The following EXOSC4 variants were observed in gnomAD, a reference collection of about 807,000 sequenced individuals.
EXOSC4 encodes exosome complex component RRP41.
EXOSC4 carries 14 observed loss-of-function variants against 20.0 expected under a neutral mutation model. That is an observed-to-expected ratio of 0.70 (90% confidence interval 0.46 to 1.09). EXOSC4 has a LOEUF of 1.09. Among genes scored for constraint, EXOSC4 ranks in the 50% least tolerant of loss-of-function variants. The pLI, the probability that EXOSC4 is intolerant of heterozygous loss-of-function variation, is 0.00. For synonymous variants in EXOSC4, 148 were observed against 146.4 expected (o/e 1.01, Z -0.08); for missense variants, 337 against 334.0 (o/e 1.01, Z -0.07).
chr8:144,080,253 A>G lies in EXOSC4; in HGVS notation c.390A>G (p.Ala130=). The G allele has an allele frequency of 6.2e-7, 1 of 1,613,464 alleles. No individual in the cohort carries two copies. Among genetic ancestry groups the G allele is most frequent in the South Asian group, 1.1e-5 (1 of 91,074 alleles). ...TGGGTTCCCTGCAGGTGCTACAGGC[A>G]GATGGTGGGACCTATGCAGCTTGTG... The part of the protein sequence containing the change: ...QIDIYVQVLQ[A]DGGTYAACVN... The change falls in exon 3 of 3, where the codon GCA becomes GCG. Residue 130 remains alanine, a synonymous_variant. Transcript: ENST00000316052. This position sits in a 1 kb window ranked among gnomAD's most constrained non-coding sequence, Gnocchi z 4.9.
At chr8:144,069,805 C>A in the EXOSC4 span, among the ~76,000 whole-genome samples, 1 of 152,368 alleles carries the variant, frequency 6.6e-6, no homozygotes, top group South Asian at 2.1e-4. Context: ...CCACCGAACC[C>A]CAGGCTGGAA....
rs182925683 is a variant in EXOSC4 at position 144,080,573 on chromosome 8, G to A, written c.710G>A (p.Arg237His). The change falls in exon 3 of 3, where the codon CGT becomes CAT. Residue 237 changes from arginine to histidine, a missense_variant. Coordinates refer to ENST00000316052, the MANE Select transcript of EXOSC4 (RefSeq NM_019037.3). This position sits in a 1 kb window ranked among gnomAD's most constrained non-coding sequence, Gnocchi z 4.9. The part of the protein sequence containing the change: ...LLDRVVRQHV[R>H]EASILLGD ...GATCGAGTGGTCCGGCAGCATGTGCGTGAGGCCTCTATCTTGCTGGGGGAC... is the reference window on the plus strand; with the variant it reads ...GATCGAGTGGTCCGGCAGCATGTGCATGAGGCCTCTATCTTGCTGGGGGAC... 19 of 1,599,390 alleles carry A rather than the reference G, an allele frequency of 1.2e-5. No homozygotes were observed. The highest frequency in any genetic ancestry group is 5.0e-5 in the Admixed American group (3 of 60,014).
chr8:144,069,413 G>A, the EXOSC4 span, among the ~76,000 whole-genome samples: 1 of 152,226 alleles, frequency 6.6e-6, no homozygotes, highest in Non-Finnish European at 1.5e-5. Flanking sequence ...AGGAAAGCAG[G>A]TGCCCTGCCT....
At chr8:144,064,942 C>T in the EXOSC4 span, among the ~76,000 whole-genome samples, 3 of 151,162 alleles carry the variant, frequency 2.0e-5, no homozygotes, top group Non-Finnish European at 4.4e-5. Context: ...CCCAGGTTCA[C>T]GCCATTCTCC....
At chr8:144,078,523 G>A (rs1835859135), upstream of EXOSC4, 2 of 461,368 alleles carry the variant, frequency 4.3e-6, no homozygotes, top group Non-Finnish European at 7.2e-6. The surrounding 1 kb of genome is among the most constrained non-coding windows in gnomAD (Gnocchi z 4.7). Flanking sequence ...GTGAACTCCA[G>A]TTCACCAGGA....
the EXOSC4 span, among the ~76,000 whole-genome samples, chr8:144,066,405 C>T: frequency 6.6e-6 from 1 of 150,838 alleles, no homozygotes; most frequent in Non-Finnish European, 1.5e-5. Context: ...CAGGTGTGAG[C>T]CACCACACCT....
At chr8:144,066,728 AG>A in the EXOSC4 span, among the ~76,000 whole-genome samples, 1 of 152,058 alleles carries the variant, frequency 6.6e-6, no homozygotes, top group East Asian at 1.9e-4. Flanking sequence ...AGGGATTACA[AG>A]TATGAGCCAC....
chr8:144,072,905 A>T, the EXOSC4 span, among the ~76,000 whole-genome samples: 6 of 152,372 alleles, frequency 3.9e-5, no homozygotes, highest in South Asian at 1.2e-3. Context: ...TATGACTGTC[A>T]CACAGGATGA....
At chr8:144,072,470 C>T in the EXOSC4 span, among the ~76,000 whole-genome samples, 2 of 152,128 alleles carry the variant, frequency 1.3e-5, no homozygotes, top group African/African-American at 4.8e-5. Flanking sequence ...TGTGAGCCAC[C>T]GCGCCCGACC....
chr8:144,065,915 C>A, the EXOSC4 span, among the ~76,000 whole-genome samples: 1 of 148,846 alleles, frequency 6.7e-6, no homozygotes, highest in African/African-American at 2.5e-5. Flanking sequence ...CTCAAGGGAT[C>A]CTCCTACCTC....
At chr8:144,066,221 G>A in the EXOSC4 span, among the ~76,000 whole-genome samples, 7 of 150,298 alleles carry the variant, frequency 4.7e-5, no homozygotes, top group South Asian at 2.1e-4. Context: ...GGGTTTCACC[G>A]TGTTAGCCAG....
the EXOSC4 span, among the ~76,000 whole-genome samples, chr8:144,068,832 C>A: frequency 2.2e-4 from 33 of 152,284 alleles, no homozygotes; most frequent in Admixed American, 1.9e-3. Context: ...AGGGACACGC[C>A]GAGAAGACGA....
At chr8:144,073,555 A>C in the EXOSC4 span, among the ~76,000 whole-genome samples, 23,314 of 151,616 alleles carry the variant, frequency 0.15, 2,802 homozygotes, top group African/African-American at 0.34. Context: ...CTGGACCATG[A>C]TAAATACTAA....
At chr8:144,064,580 G>A in the EXOSC4 span, among the ~76,000 whole-genome samples, 1 of 152,246 alleles carries the variant, frequency 6.6e-6, no homozygotes, top group African/African-American at 2.4e-5. Flanking sequence ...CCACAAGGGA[G>A]GCTGGGCCTG....
chr8:144,078,619 A>G (rs1554762994), upstream of EXOSC4: 7 of 1,222,080 alleles, frequency 5.7e-6, no homozygotes, highest in Non-Finnish European at 7.5e-6. The surrounding 1 kb of genome is among the most constrained non-coding windows in gnomAD (Gnocchi z 4.7). Flanking sequence ...ACCGGAAGTG[A>G]TGGCGGACCT....
upstream of EXOSC4, among the ~76,000 whole-genome samples, chr8:144,075,037 G>T (rs59204216): frequency 0.039 from 5,949 of 152,208 alleles, 377 homozygotes; most frequent in African/African-American, 0.13. Context: ...TGTGAGAGGA[G>T]AAACTAAATC....
the EXOSC4 span, among the ~76,000 whole-genome samples, chr8:144,069,318 A>G: frequency 3.3e-5 from 5 of 152,224 alleles, no homozygotes; most frequent in Non-Finnish European, 5.9e-5. Context: ...ACTATCTTAC[A>G]GTCCCGGAGA....
chr8:144,072,168 T>C, the EXOSC4 span, among the ~76,000 whole-genome samples: 1 of 152,110 alleles, frequency 6.6e-6, no homozygotes. Context: ...TTTTTAAATG[T>C]ACAATGCCTT....
the EXOSC4 span, among the ~76,000 whole-genome samples, chr8:144,069,486 C>T: frequency 7.9e-5 from 12 of 152,230 alleles, no homozygotes; most frequent in African/African-American, 2.9e-4. Context: ...TGATCTCTAC[C>T]CAGGTGGTCC....
Sources: gnomAD v4.1 joint callset for allele counts (sites outside exome capture counted in the v4.1 genomes callset) on GRCh38, gnomAD v4.1.1 for gene constraint, Gnocchi (gnomAD v3.1) non-coding constraint, MANE v1.5 for transcripts, NCBI Gene and HGNC (gene_info 2026-07-23, HGNC 2026-07-21) for gene names.